SPATS2L: variants seen among roughly 807,000 people sequenced by gnomAD.
SPATS2L encodes the protein spermatogenesis associated serine rich 2 like, also known as SPATS2-like protein.
A neutral mutation model predicts 59.6 loss-of-function variants in SPATS2L; 30 were observed. The ratio of observed to expected loss-of-function variants is 0.50; its 90% CI spans 0.38 to 0.68. The LOEUF (loss-of-function observed/expected upper bound fraction) is 0.68. SPATS2L is among the 30% of genes least tolerant of loss of function. The pLI is 0.00. For synonymous variants in SPATS2L, 252 were observed against 263.5 expected (o/e 0.96, Z 0.42); for missense variants, 615 against 700.0 (o/e 0.88, Z 1.37).
intron 2 of SPATS2L, among the ~76,000 whole-genome samples, chr2:200,367,510 G>C (rs1055316063): frequency 6.6e-6 from 1 of 152,180 alleles, no homozygotes; most frequent in Non-Finnish European, 1.5e-5. Flanking sequence ...TGGTACAGAA[G>C]CCTAGATGAA....
chr2:200,462,342 T>C (rs1343395798), intron 9 of SPATS2L, among the ~76,000 whole-genome samples: 2 of 152,160 alleles, frequency 1.3e-5, no homozygotes, highest in Non-Finnish European at 2.9e-5. Flanking sequence ...ACTTACTCAA[T>C]CAGTAAACAC....
chr2:200,405,643 A>G (rs3845810), intron 3 of SPATS2L, among the ~76,000 whole-genome samples: 2,973 of 152,282 alleles, frequency 0.02, 126 homozygotes, highest in East Asian at 0.15. Context: ...AGCAAAGCAT[A>G]CACAGATGAG....
chr2:200,440,138 T>C (rs1559134547), intron 7 of SPATS2L, among the ~76,000 whole-genome samples: 1 of 152,242 alleles, frequency 6.6e-6, no homozygotes. Context: ...ATAGAGCTGC[T>C]TTCAATGCTG....
At chr2:200,323,105 T>C (rs2079618332) in intron 1 of SPATS2L, among the ~76,000 whole-genome samples, 1 of 152,178 alleles carries the variant, frequency 6.6e-6, no homozygotes, top group African/African-American at 2.4e-5. Context: ...GCAAGTTAAA[T>C]TTGAACTTAC....
intron 6 of SPATS2L, among the ~76,000 whole-genome samples, chr2:200,426,193 C>G (rs187402891): frequency 6.9e-6 from 1 of 143,916 alleles, no homozygotes; most frequent in Non-Finnish European, 1.5e-5. Context: ...TGGGTTCAAG[C>G]GATTCTCCTG....
chr2:200,338,765 G>A (rs1042997278), intron 2 of SPATS2L, among the ~76,000 whole-genome samples: 6 of 152,144 alleles, frequency 3.9e-5, no homozygotes, highest in Admixed American at 3.9e-4. Context: ...AGGCCAAGGG[G>A]TTACCTCTCC....
chr2:200,389,500 A>T (rs2082104179), intron 3 of SPATS2L: 1 of 460,586 alleles, frequency 2.2e-6, no homozygotes, highest in Non-Finnish European at 3.9e-6. Context: ...TTTACTCTTG[A>T]CCATAACCCC....
intron 6 of SPATS2L, among the ~76,000 whole-genome samples, chr2:200,423,373 TAG>T (rs2083394401): frequency 6.6e-6 from 1 of 152,178 alleles, no homozygotes; most frequent in African/African-American, 2.4e-5. Flanking sequence ...TGTTAAGCTG[TAG>T]ACACTCTGTA....
rs1441927197 is a variant in SPATS2L, at chr2:200,459,797, G to A, written c.817G>A (p.Ala273Thr). 6.2e-7 allele frequency: 1 copy of A among 1,612,528 alleles called. No individual in the cohort carries two copies. The highest frequency in any genetic ancestry group is 2.2e-5 in the East Asian group (1 of 44,834). The change falls in exon 9 of 13, where the codon GCA becomes ACA. Residue 273 changes from alanine (A) to threonine (T), a missense_variant. By Grantham distance (58) the Ala-to-Thr change is moderately conservative. This residue lies in a region of SPATS2L where 104 missense variants were observed against 162.5 expected (regional missense o/e 0.64). Transcript: ENST00000409140. ...CATTGACAAAGAAGTTTCATTAATG[G>A]CAGAAATGGATAAAGTTAAAGAAGA... is the stretch of plus-strand genomic sequence containing the variant. ...CIIDKEVSLM[A>T]EMDKVKEEAM...
chr2:200,313,510 G>A (rs2079261414), intron 1 of SPATS2L, among the ~76,000 whole-genome samples: 1 of 152,100 alleles, frequency 6.6e-6, no homozygotes, highest in South Asian at 2.1e-4. Flanking sequence ...CCAGTCTGAT[G>A]CTAATCCCTC....
intron 2 of SPATS2L, among the ~76,000 whole-genome samples, chr2:200,339,740 AC>A (rs1321692122): frequency 2.0e-5 from 3 of 152,354 alleles, no homozygotes; most frequent in Admixed American, 6.5e-5. Flanking sequence ...AAGCAAAAAA[AC>A]ATCCATGTGG....
intron 2 of SPATS2L, among the ~76,000 whole-genome samples, chr2:200,363,963 T>C (rs913836496): frequency 1.3e-5 from 2 of 152,108 alleles, no homozygotes; most frequent in Non-Finnish European, 2.9e-5. Context: ...AGGGGCAACA[T>C]TGCCCCCAAG....
Position 200,481,549 on chromosome 2 carries a change from C to G in SPATS2L, c.*3518C>G, listed in dbSNP as rs1053091908. On this transcript the variant is annotated 3_prime_UTR_variant, in exon 13 of 13. Coordinates refer to ENST00000409140, the MANE Select transcript of SPATS2L (RefSeq NM_001100423.2). ...CTTTGACAAAGCTTTCTTCCTCCCT[C>G]CCTCCCTTTGCACGCTGCATCCCAC... The G allele has an allele frequency of 6.6e-6, 1 of 152,334 alleles. No individual in the cohort carries two copies. Among genetic ancestry groups the G allele is most frequent in the Admixed American group, 6.5e-5 (1 of 15,292 alleles). 9.4% of individuals were successfully genotyped at this position (152,334 alleles called of 1,614,324 possible).
Position 200,372,281 on chromosome 2 carries a change from T to G in SPATS2L, c.-22-16942T>G, listed in dbSNP as rs557344714. ...GTGAATTCCCTCTCCATTATCCTCATTCAATGGCCAGCCAGCTTCTGCTTG... is the reference window on the plus strand; with the variant it reads ...GTGAATTCCCTCTCCATTATCCTCAGTCAATGGCCAGCCAGCTTCTGCTTG... On this transcript the variant is annotated intron_variant, in intron 2 of 12. Coordinates refer to ENST00000409140, the MANE Select transcript of SPATS2L (RefSeq NM_001100423.2). 3.8e-3 allele frequency: 2,984 copies of G among 792,700 alleles called. 13 individuals carry two copies. Among genetic ancestry groups the G allele is most frequent in the Admixed American group, 5.7e-3 (92 of 16,032 alleles). 49.1% of individuals were successfully genotyped at this position (792,700 alleles called of 1,614,324 possible).
rs1236338106 is a variant in SPATS2L at position 200,365,412 on chromosome 2, G to A, written c.-22-23811G>A. 2.0e-5 allele frequency among the ~76,000 whole-genome samples: 3 copies of A among 152,224 alleles called. No individual in the cohort carries two copies. In the East Asian group the frequency reaches 5.8e-4, roughly 29 times the overall value. ...ACAGCAATATGACCACTGTGGGGCT[G>A]CTGCTGGCTGGTTGCCTACACAGGA... is the stretch of plus-strand genomic sequence containing the variant. On this transcript the variant is annotated intron_variant, in intron 2 of 12. Coordinates refer to ENST00000409140, the MANE Select transcript of SPATS2L (RefSeq NM_001100423.2).
intron 3 of SPATS2L, among the ~76,000 whole-genome samples, chr2:200,402,677 A>G (rs2082564737): frequency 6.6e-6 from 1 of 152,174 alleles, no homozygotes; most frequent in Non-Finnish European, 1.5e-5. Flanking sequence ...ACCCCAATGC[A>G]TCTGTCACTG....
chr2:200,474,384 G>A (rs950877594), intron 12 of SPATS2L, among the ~76,000 whole-genome samples: 3 of 151,306 alleles, frequency 2.0e-5, no homozygotes, highest in African/African-American at 7.3e-5. Flanking sequence ...TCGGCCCACT[G>A]CAGCCTCAAC....
chr2:200,362,399 G>A (rs2081136550), intron 2 of SPATS2L, among the ~76,000 whole-genome samples: 1 of 152,270 alleles, frequency 6.6e-6, no homozygotes, highest in Non-Finnish European at 1.5e-5. Flanking sequence ...CATACAGGCT[G>A]ATGAGGGAGC....
chr2:200,456,520 C>T (rs3769434), intron 8 of SPATS2L, among the ~76,000 whole-genome samples: 64,140 of 152,026 alleles, frequency 0.42, 14,333 homozygotes, highest in Non-Finnish European at 0.49. Flanking sequence ...GTGTTAGACC[C>T]GGGGACAAGT....
Sources: allele counts gnomAD v4.1 joint callset (sites outside exome capture counted in the v4.1 genomes callset), GRCh38; gene constraint gnomAD v4.1.1; regional missense constraint gnomAD v4.1.1; transcripts MANE v1.5; gene names NCBI Gene and HGNC (gene_info 2026-07-23, HGNC 2026-07-21).